The following TSPAN32 variants were observed in gnomAD, a reference collection of about 807,000 sequenced individuals.
The protein encoded by TSPAN32 is tetraspanin 32.
A neutral mutation model predicts 42.7 loss-of-function variants in TSPAN32; 47 were observed. The observed-to-expected ratio is 1.10, with a 90% CI of 0.87 to 1.40. TSPAN32 has a LOEUF of 1.40. Ranked by LOEUF, TSPAN32 falls within the 40% of genes most tolerant of loss-of-function variation. TSPAN32 has a pLI of 0.00. For missense variants in TSPAN32, 469 were observed against 424.1 expected (o/e 1.11, Z -0.93); for synonymous variants, 175 against 175.9 (o/e 0.99, Z 0.04).
Position 2,317,496 on chromosome 11 carries a change from C to A in TSPAN32, c.872C>A (p.Pro291His), listed in dbSNP as rs151256721. 1.3e-6 allele frequency: 2 copies of A among 1,589,922 alleles called. No individual in the cohort carries two copies. Among genetic ancestry groups the A allele is most frequent in the African/African-American group, 2.7e-5 (2 of 74,496 alleles). The change falls in exon 9 of 10, where the codon CCC becomes CAC. Residue 291 changes from proline (P) to histidine (H), a missense_variant. Coordinates refer to ENST00000182290, the MANE Select transcript of TSPAN32 (RefSeq NM_139022.3). The surrounding 1 kb of genome is among the most constrained non-coding windows in gnomAD (Gnocchi z 6.2). ...WLQESDAAPL[P>H]LSCHLAAHRA... Reference sequence around the variant, plus strand: ...CAGGAGAGCGATGCTGCGCCTCTGCCCCTCTCCTGCCACCTGGCTGCCCAC... The same window carrying A: ...CAGGAGAGCGATGCTGCGCCTCTGCACCTCTCCTGCCACCTGGCTGCCCAC...
intron 2 of TSPAN32, chr11:2,303,622 A>C (rs2651824): frequency 0.99 from 162,317 of 164,660 alleles, 80,014 homozygotes; most frequent in East Asian, 1. Flanking sequence ...GAGGTCAGGG[A>C]TACTGCCTTA....
At position 2,317,883 on chromosome 11, in the gene TSPAN32, G is replaced by A. The variant is rs746937698; in HGVS notation, c.922G>A (p.Gly308Ser). 1.2e-5 allele frequency: 18 copies of A among 1,482,448 alleles called. No individual in the cohort carries two copies. Among genetic ancestry groups the A allele is most frequent in the South Asian group, 6.8e-5 (6 of 88,480 alleles). The allele number at this position is 1,482,448 out of a possible 1,614,324, so 91.8% of individuals were successfully genotyped here. The change falls in exon 10 of 10, where the codon GGT becomes AGT. Residue 308 changes from glycine to serine, a missense_variant. By Grantham distance (56) the Gly-to-Ser change is moderately conservative (BLOSUM62 0). Coordinates refer to ENST00000182290, the MANE Select transcript of TSPAN32 (RefSeq NM_139022.3). This position sits in a 1 kb window ranked among gnomAD's most constrained non-coding sequence, Gnocchi z 6.2. Reference protein sequence around the residue: ...AHRALQGRSRGGLSGCPERGL... With the variant: ...AHRALQGRSRSGLSGCPERGL... Reference sequence around the variant, plus strand: ...CGCAGCTCTCCAGGGCAGAAGTCGCGGTGGGCTCAGTGGGTGCCCTGAGCG... The same window carrying A: ...CGCAGCTCTCCAGGGCAGAAGTCGCAGTGGGCTCAGTGGGTGCCCTGAGCG...
chr11:2,308,448 C>A (rs1423574373), intron 3 of TSPAN32, among the ~76,000 whole-genome samples: 1 of 66,898 alleles, frequency 1.5e-5, no homozygotes, highest in East Asian at 4.6e-4. Context: ...ACCAGCCCCC[C>A]GCAATGACCA....
Position 2,315,811 on chromosome 11 carries a change from C to A in TSPAN32, c.544-418C>A, listed in dbSNP as rs920414958. ...GGACTGTGCGGGGACCCCCCTCACA[C>A]CCCTCCACCAGCTGGCTTCCTGCCC... On this transcript the variant is annotated intron_variant, in intron 6 of 9. Coordinates refer to ENST00000182290, the MANE Select transcript of TSPAN32 (RefSeq NM_139022.3). 44 of 1,328,588 alleles carry A rather than the reference C, an allele frequency of 3.3e-5. No homozygotes were observed. In the African/African-American group the frequency reaches 6.1e-4, roughly 18 times the overall value. 82.3% of individuals were successfully genotyped at this position (1,328,588 alleles called of 1,614,324 possible). A position where few individuals can be genotyped will look rare whatever the true frequency, so the allele number is the denominator to read the frequency against.
intron 4 of TSPAN32, among the ~76,000 whole-genome samples, chr11:2,310,804 G>T (rs548916964): frequency 6.6e-6 from 1 of 152,220 alleles, no homozygotes; most frequent in Admixed American, 6.5e-5. Flanking sequence ...GGTCCTCCAG[G>T]ACGTGGGACT....
intron 4 of TSPAN32, among the ~76,000 whole-genome samples, chr11:2,312,371 C>A (rs557448108): frequency 3.3e-4 from 50 of 152,378 alleles, no homozygotes; most frequent in African/African-American, 1.1e-3. Flanking sequence ...TGAGGCTGAA[C>A]AAGGCCCCCG....
intron 3 of TSPAN32, among the ~76,000 whole-genome samples, chr11:2,307,725 G>T (rs905882947): frequency 6.6e-6 from 1 of 152,182 alleles, no homozygotes; most frequent in Admixed American, 6.5e-5. Flanking sequence ...TGCCGGGGGC[G>T]GGTGCGCAGA....
chr11:2,303,069 G>C, intron 2 of TSPAN32, 111 bp downstream of exon 2: 1 of 1,009,478 alleles, frequency 9.9e-7, no homozygotes, highest in Non-Finnish European at 1.5e-6. Flanking sequence ...CCCTAGGCAG[G>C]AGCCAGAGGT....
intron 2 of TSPAN32, chr11:2,303,352 A>T (rs1165456128): frequency 6.3e-6 from 1 of 159,764 alleles, no homozygotes; most frequent in Non-Finnish European, 1.3e-5. Context: ...TCCACTCAGG[A>T]CCTGGGATGT....
At chr11:2,305,768 G>A (rs1255834329) in intron 3 of TSPAN32, among the ~76,000 whole-genome samples, 1 of 152,192 alleles carries the variant, frequency 6.6e-6, no homozygotes. Context: ...CCAACTGGAT[G>A]CCTGCACTGG....
Position 2,305,656 on chromosome 11 carries a change from C to A in TSPAN32, c.279+1452C>A, listed in dbSNP as rs529495381. On this transcript the variant is annotated intron_variant, in intron 3 of 9. Coordinates refer to ENST00000182290, the MANE Select transcript of TSPAN32 (RefSeq NM_139022.3). ...CTAGCACCCTCATCTGTGGCCAAGG[C>A]GGTCAGGGAGCACCTGGGCTCAGGT... Among the ~76,000 whole-genome samples, 123 of 152,358 alleles carry A rather than the reference C, an allele frequency of 8.1e-4. 1 individual carries two copies. Among genetic ancestry groups the A allele is most frequent in the Non-Finnish European group, 9.8e-4 (67 of 68,034 alleles).
In TSPAN32 at chr11:2,314,577, G is replaced by T. The variant is rs199572386; in HGVS notation, c.543+6G>T. On this transcript the variant is annotated splice_donor_region_variant and intron_variant, in intron 6 of 9. Transcript: ENST00000182290. ...GAGAGGAGGCGGCGAGAGAGGTGAGGGGGGGACCTGGATGCTGGCCAGGCA... is the reference window on the plus strand; with the variant it reads ...GAGAGGAGGCGGCGAGAGAGGTGAGTGGGGGACCTGGATGCTGGCCAGGCA... 6.1e-3 allele frequency: 9,756 copies of T among 1,601,998 alleles called. 33 individuals are homozygous for T. The highest frequency in any genetic ancestry group is 8.0e-3 in the South Asian group (706 of 88,794).
chr11:2,315,554 G>A (rs543479847), intron 6 of TSPAN32: 61 of 1,168,372 alleles, frequency 5.2e-5, no homozygotes, highest in Middle Eastern at 3.9e-4. Flanking sequence ...CAGCACAGGC[G>A]GCAGGCACGG....
intron 7 of TSPAN32, 121 bp downstream of exon 7, chr11:2,316,433 C>A (rs752852657): frequency 9.7e-6 from 15 of 1,548,196 alleles, no homozygotes; most frequent in Non-Finnish European, 1.3e-5. Context: ...CACTGGCTGC[C>A]AACCTCAGGG....
chr11:2,306,030 G>A (rs1183553570), intron 3 of TSPAN32, among the ~76,000 whole-genome samples: 3 of 133,508 alleles, frequency 2.2e-5, no homozygotes, highest in Non-Finnish European at 5.0e-5. Flanking sequence ...ATGTGTGTGT[G>A]CGTGTGCAGG....
At chr11:2,305,685 G>A (rs1848038949) in intron 3 of TSPAN32, among the ~76,000 whole-genome samples, 1 of 152,226 alleles carries the variant, frequency 6.6e-6, no homozygotes, top group South Asian at 2.1e-4. Context: ...CTCAGGTTCT[G>A]TGTCCCCAGC....
intron 3 of TSPAN32, among the ~76,000 whole-genome samples, chr11:2,307,314 C>A (rs1756059568): frequency 6.6e-6 from 1 of 152,190 alleles, no homozygotes; most frequent in African/African-American, 2.4e-5. Context: ...CACGGGCACC[C>A]ATGCTCCTGG....
rs991923580 is a variant in TSPAN32 at position 2,304,418 on chromosome 11, C to T, written c.279+214C>T. ...CAGGGATGCTAGCCAGCCGAGACCC[C>T]CTACCTGGGTAGCCAAGGCCCCTCC... On this transcript the variant is annotated intron_variant, in intron 3 of 9. Transcript: ENST00000182290. The surrounding 1 kb of genome is among the most constrained non-coding windows in gnomAD (Gnocchi z 4.8). Among the ~76,000 whole-genome samples, 1 of 152,032 alleles carries T rather than the reference C, an allele frequency of 6.6e-6. No individual in the cohort carries two copies. The highest frequency in any genetic ancestry group is 1.5e-5 in the Non-Finnish European group (1 of 67,956).
At chr11:2,314,686 C>T in intron 6 of TSPAN32, 115 bp downstream of exon 6, 3 of 788,000 alleles carry the variant, frequency 3.8e-6, no homozygotes, top group Non-Finnish European at 6.3e-6. Flanking sequence ...CTCCCCAGAC[C>T]CTTGGGAACT....
Sources: gnomAD v4.1 joint callset for allele counts (sites outside exome capture counted in the v4.1 genomes callset) on GRCh38, gnomAD v4.1.1 for gene constraint, Gnocchi (gnomAD v3.1) non-coding constraint, MANE v1.5 for transcripts, NCBI Gene and HGNC (gene_info 2026-07-23, HGNC 2026-07-21) for gene names.